The following SLC37A2 variants were observed in gnomAD, a reference collection of about 807,000 sequenced individuals.
SLC37A2 encodes glucose-6-phosphate exchanger SLC37A2.
Under a neutral mutation model 70.7 loss-of-function variants are expected in SLC37A2, and 59 were observed. The observed-to-expected ratio is 0.83, with a 90% CI of 0.68 to 1.04. SLC37A2 has a LOEUF of 1.04. Among genes scored for constraint, SLC37A2 ranks in the 50% least tolerant of loss-of-function variants. SLC37A2 has a pLI of 0.00. For synonymous variants in SLC37A2, 257 were observed against 262.1 expected, an observed-to-expected ratio of 0.98 and a Z score of 0.19; for missense variants, 580 against 658.1, an observed-to-expected ratio of 0.88 and a Z score of 1.30.
rs185811988 is a variant in SLC37A2, at chr11:125,082,095, G to A, written c.886-149G>A. The A allele has an allele frequency of 6.4e-4, 636 of 986,816 alleles. 1 individual carries two copies. The highest frequency in any genetic ancestry group is 9.3e-4 in the Non-Finnish European group (595 of 641,348). The allele number at this position is 986,816 out of a possible 1,614,324, so 61.1% of individuals were successfully genotyped here. A position where few individuals can be genotyped will look rare whatever the true frequency, so the allele number is the denominator to read the frequency against. On this transcript the variant is annotated intron_variant, in intron 9 of 17. Transcript: ENST00000403796. ...TGAAACAACCTTGCACAGTGGTCAT[G>A]TTGCTTTTATTGGGACTGGATGTGT...
chr11:125,077,283 C>T lies in SLC37A2; in HGVS notation c.195C>T (p.His65=), dbSNP rs753811914. The change falls in exon 3 of 18, where the codon CAC becomes CAT. Residue 65 remains histidine, a synonymous_variant. Transcript: ENST00000403796. ...SEQIKPINDT[H]SLNDTMWCSW... is the part of the protein sequence containing the mutation. ...AGATCAAACCCATCAATGATACTCA[C>T]AGTCTCAATGACACCATGTGGTGCA... 2 of 1,608,758 alleles carry T rather than the reference C, an allele frequency of 1.2e-6. No homozygotes were observed. Among genetic ancestry groups the T allele is most frequent in the East Asian group, 4.5e-5 (2 of 44,878 alleles).
rs950135574 is a variant in SLC37A2, at chr11:125,063,802, G to A, written c.59+376G>A. 2.6e-5 allele frequency among the ~76,000 whole-genome samples: 4 copies of A among 152,220 alleles called. No individual in the cohort carries two copies. Among genetic ancestry groups the A allele is most frequent in the Non-Finnish European group, 4.4e-5 (3 of 68,026 alleles). On this transcript the variant is annotated intron_variant, in intron 1 of 17. Transcript: ENST00000403796. The surrounding 1 kb of genome is among the most constrained non-coding windows in gnomAD (Gnocchi z 5.4). The stretch of plus-strand genomic sequence containing the variant: ...ACCTGGGCTCGAAGGCTGGGGAACC[G>A]AGGCCAGGGGATGGTAGAGGAAAGG...
chr11:125,070,463 G>T (rs1591627410), intron 1 of SLC37A2, among the ~76,000 whole-genome samples: 2 of 152,176 alleles, frequency 1.3e-5, no homozygotes, highest in East Asian at 3.9e-4. Flanking sequence ...TCGAACTGAG[G>T]CTTAGAGACG....
chr11:125,079,026 C>G, intron 4 of SLC37A2, 86 bp from the exon 5 acceptor site: 2 of 1,576,502 alleles, frequency 1.3e-6, no homozygotes, highest in South Asian at 1.1e-5. Flanking sequence ...AGAGCCACTT[C>G]CTAGCGTGGT....
intron 1 of SLC37A2, among the ~76,000 whole-genome samples, chr11:125,073,414 C>G (rs957761279): frequency 1.3e-5 from 2 of 152,340 alleles, no homozygotes; most frequent in Non-Finnish European, 1.5e-5. Context: ...ATCCAGGGCC[C>G]GGAGCCTCCA....
rs11219889 is a variant in SLC37A2 at position 125,079,766 on chromosome 11, T to C, written c.527+6T>C. 1.4e-4 allele frequency: 226 copies of C among 1,604,692 alleles called. 1 individual carries two copies. The East Asian group carries it at 3.7e-3, about 26-fold the overall frequency. ...AACTGGTTCGGGAAGGGGAAGTGAG[T>C]GTAACAAGGGAGGAGGAGTGGGAAG... On this transcript the variant is annotated splice_donor_region_variant and intron_variant, in intron 6 of 17. Transcript: ENST00000403796.
At chr11:125,064,343 C>A (rs775209327) in intron 1 of SLC37A2, among the ~76,000 whole-genome samples, 49 of 151,912 alleles carry the variant, frequency 3.2e-4, no homozygotes, top group Non-Finnish European at 1.2e-4. Flanking sequence ...TCCCCCCTCA[C>A]ACCCCTCCCT....
chr11:125,084,381 G>T (rs1397386261), intron 12 of SLC37A2, 62 bp downstream of exon 12: 9 of 1,549,234 alleles, frequency 5.8e-6, no homozygotes, highest in Non-Finnish European at 8.0e-6. Context: ...GTGGGCCTCT[G>T]GCCTATGTGC....
intron 1 of SLC37A2, among the ~76,000 whole-genome samples, chr11:125,068,341 TTTAC>T (rs1387966624): frequency 6.6e-6 from 1 of 152,198 alleles, no homozygotes; most frequent in African/African-American, 2.4e-5. Context: ...CAGGTATCCT[TTTAC>T]TTCCTTCCAG....
chr11:125,086,206 C>G (rs763561098), intron 17 of SLC37A2, 188 bp downstream of exon 17: 3 of 1,612,536 alleles, frequency 1.9e-6, no homozygotes, highest in African/African-American at 2.7e-5. Context: ...CTCTATAGCT[C>G]TAGTATGGTC....
intron 1 of SLC37A2, among the ~76,000 whole-genome samples, chr11:125,075,003 T>A (rs918534213): frequency 2.6e-5 from 4 of 152,168 alleles, no homozygotes; most frequent in Non-Finnish European, 5.9e-5. Flanking sequence ...TCATGCTGTG[T>A]TCTCTTATCT....
In SLC37A2 at chr11:125,086,190, G is replaced by C. The variant is rs200684744; in HGVS notation, c.1490+172G>C. The C allele has an allele frequency of 1.3e-4, 217 of 1,610,386 alleles. 2 individuals carry two copies. In the East Asian group the frequency reaches 3.7e-3, roughly 27 times the overall value. ...TGCTAACCTGTCCTCTGTTGTCCCCGTGTATCTCTATAGCTCTAGTATGGT... is the reference window on the plus strand; with the variant it reads ...TGCTAACCTGTCCTCTGTTGTCCCCCTGTATCTCTATAGCTCTAGTATGGT... On this transcript the variant is annotated intron_variant, in intron 17 of 17. Coordinates refer to ENST00000403796, the MANE Select transcript of SLC37A2 (RefSeq NM_001145290.2).
Position 125,079,173 on chromosome 11 carries a change from G to A in SLC37A2, c.376G>A (p.Gly126Ser), listed in dbSNP as rs988686624. The A allele has an allele frequency of 1.2e-6, 2 of 1,614,220 alleles. No individual in the cohort carries two copies. Among genetic ancestry groups the A allele is most frequent in the East Asian group, 4.5e-5 (2 of 44,886 alleles). ...YYLSAGMLLSGLFTSLFGLGY... is the reference protein window; with the variant it reads ...YYLSAGMLLSSLFTSLFGLGY... The stretch of plus-strand genomic sequence containing the variant: ...CCTCTCAGCTGGAATGCTGCTCAGT[G>A]GCCTTTTCACCTCGCTCTTTGGCCT... The change falls in exon 5 of 18, where the codon GGC becomes AGC. Residue 126 changes from glycine (G) to serine (S), a missense_variant. By Grantham distance (56) the Gly-to-Ser change is moderately conservative. Coordinates refer to ENST00000403796, the MANE Select transcript of SLC37A2 (RefSeq NM_001145290.2).
In SLC37A2 at chr11:125,077,503, G is replaced by C. The variant is rs147491731; in HGVS notation, c.289G>C (p.Ala97Pro). The change falls in exon 4 of 18, where the codon GCC becomes CCC. Residue 97 changes from alanine (A) to proline (P), a missense_variant. Ala to Pro is a conservative substitution (Grantham distance 27). Coordinates refer to ENST00000403796, the MANE Select transcript of SLC37A2 (RefSeq NM_001145290.2). Reference protein sequence around the residue: ...LGGVDNAFLIAYAIGMFISGV... With the variant: ...LGGVDNAFLIPYAIGMFISGV... ...GGGCGTGGACAACGCCTTCCTCATC[G>C]CCTATGCCATCGGCATGTTCATCAG... 1 of 1,613,680 alleles carries C rather than the reference G, an allele frequency of 6.2e-7. No homozygotes were observed. Among genetic ancestry groups the C allele is most frequent in the Admixed American group, 1.7e-5 (1 of 59,972 alleles).
chr11:125,065,057 A>G (rs1948968093), intron 1 of SLC37A2, among the ~76,000 whole-genome samples: 1 of 152,264 alleles, frequency 6.6e-6, no homozygotes, highest in Non-Finnish European at 1.5e-5. Context: ...AGGGAAGACT[A>G]CTGAAATTAT....
At chr11:125,084,361 A>G in intron 12 of SLC37A2, 42 bp downstream of exon 12, 1 of 1,603,012 alleles carries the variant, frequency 6.2e-7, no homozygotes, top group Non-Finnish European at 8.5e-7. Flanking sequence ...GCATGTGAGC[A>G]GGAGCCTGTG....
intron 1 of SLC37A2, among the ~76,000 whole-genome samples, chr11:125,066,895 C>T (rs1291090919): frequency 6.6e-6 from 1 of 152,024 alleles, no homozygotes; most frequent in East Asian, 1.9e-4. Flanking sequence ...ATGTACATCT[C>T]CAGTTGAAAA....
intron 4 of SLC37A2, 69 bp downstream of exon 4, chr11:125,077,597 C>T (rs191910872): frequency 4.8e-6 from 6 of 1,253,846 alleles, no homozygotes; most frequent in Non-Finnish European, 6.8e-6. Context: ...CCTTAAGGAA[C>T]CTGGGGGCAG....
chr11:125,089,677 G>C lies in SLC37A2; in HGVS notation c.*1543G>C, dbSNP rs557829720. The C allele has an allele frequency of 6.5e-6, 1 of 152,892 alleles. No homozygotes were observed. The allele number at this position is 152,892 out of a possible 1,614,324, so 9.5% of individuals were successfully genotyped here. ...AGAGGGTGTACTGGGTCCCCCAGCA[G>C]TGCCGGCCCACCTGCGCTGTGCTTG... On this transcript the variant is annotated 3_prime_UTR_variant, in exon 18 of 18. Transcript: ENST00000403796.
Sources: allele counts gnomAD v4.1 joint callset (sites outside exome capture counted in the v4.1 genomes callset), GRCh38; gene constraint gnomAD v4.1.1; non-coding constraint Gnocchi (gnomAD v3.1); transcripts MANE v1.5; gene names NCBI Gene and HGNC (gene_info 2026-07-23, HGNC 2026-07-21).